Variants in UNC13C observed in about 807,000 individuals in gnomAD.
UNC13C encodes the protein protein unc-13 homolog C.
UNC13C carries 174 observed loss-of-function variants against 245.4 expected under a neutral mutation model. The ratio of observed to expected loss-of-function variants is 0.71; its 90% CI spans 0.63 to 0.80. The LOEUF (loss-of-function observed/expected upper bound fraction) is 0.80, where lower values mean the gene tolerates loss of function less well. UNC13C is among the 30% of genes least tolerant of loss of function. The pLI, the probability that UNC13C is intolerant of heterozygous loss-of-function variation, is 0.00. For missense variants in UNC13C, 2,829 were observed against 2,602.9 expected, an observed-to-expected ratio of 1.09 and a Z score of -1.89; for synonymous variants, 992 against 895.1, an observed-to-expected ratio of 1.11 and a Z score of -1.93.
intron 12 of UNC13C, 120 bp from the exon 13 acceptor site, chr15:54,300,090 A>T (rs2037536051): frequency 1.2e-6 from 1 of 831,984 alleles, no homozygotes; most frequent in Admixed American, 3.0e-5. Flanking sequence ...TATTGCTTGC[A>T]GATGCTGATG....
At chr15:53,919,734 C>T in the UNC13C span, among the ~76,000 whole-genome samples, 205 of 152,260 alleles carry the variant, frequency 1.3e-3, no homozygotes, top group Non-Finnish European at 2.3e-3. Context: ...AGTCTTCATT[C>T]AAAGGCATGA....
At chr15:54,005,996 T>C (rs1184261523) in intron 1 of UNC13C, among the ~76,000 whole-genome samples, 1 of 152,176 alleles carries the variant, frequency 6.6e-6, no homozygotes, top group Non-Finnish European at 1.5e-5. Flanking sequence ...GTATTCTATG[T>C]CTAAAATAAG....
At position 54,628,016 on chromosome 15, in the gene UNC13C, G is replaced by C. The variant is rs1340974796; in HGVS notation, c.*903G>C. On this transcript the variant is annotated 3_prime_UTR_variant, in exon 33 of 33. Transcript: ENST00000260323. ...TTAAAAATATTCAATGATTAGTATT[G>C]AATGCAGCATTACTATATATTGTAC... 1 of 152,134 alleles carries C rather than the reference G, an allele frequency of 6.6e-6. No individual in the cohort carries two copies. The highest frequency in any genetic ancestry group is 1.5e-5 in the Non-Finnish European group (1 of 67,980). The allele number at this position is 152,134 out of a possible 1,614,324, so 9.4% of individuals were successfully genotyped here.
chr15:54,534,887 C>T (rs1488589107), intron 26 of UNC13C, among the ~76,000 whole-genome samples: 2 of 152,152 alleles, frequency 1.3e-5, no homozygotes, highest in Admixed American at 6.6e-5. Context: ...CTAGACCTGC[C>T]TCTCAAGATG....
intron 2 of UNC13C, among the ~76,000 whole-genome samples, chr15:54,041,309 ACT>A (rs1439028872): frequency 6.6e-6 from 1 of 151,944 alleles, no homozygotes; most frequent in East Asian, 1.9e-4. Flanking sequence ...ATAATTAAAC[ACT>A]CTCATAACAC....
chr15:54,178,172 G>C (rs540688769), intron 4 of UNC13C, among the ~76,000 whole-genome samples: 1 of 152,174 alleles, frequency 6.6e-6, no homozygotes, highest in African/African-American at 2.4e-5. Flanking sequence ...ATACAATCCT[G>C]TATTTAGGGT....
chr15:54,351,677 A>G (rs1032778287), intron 17 of UNC13C, among the ~76,000 whole-genome samples: 2 of 152,168 alleles, frequency 1.3e-5, no homozygotes, highest in Admixed American at 1.3e-4. Context: ...TAGGAATTTT[A>G]TCTCTCTTGC....
chr15:54,505,756 T>TG (rs1894444906), intron 22 of UNC13C, among the ~76,000 whole-genome samples: 3 of 151,046 alleles, frequency 2.0e-5, no homozygotes, highest in Non-Finnish European at 1.5e-5. Context: ...TTTTTTTTTT[T>TG]TTTTTTGAGA....
the UNC13C span, among the ~76,000 whole-genome samples, chr15:53,925,505 G>C: frequency 3.3e-5 from 5 of 152,150 alleles, no homozygotes; most frequent in African/African-American, 1.2e-4. Flanking sequence ...ACTCACTTTA[G>C]AGCTTTAGTA....
rs920484600 is a variant in UNC13C, at chr15:54,284,234, G to T, written c.3819-9661G>T. Among the ~76,000 whole-genome samples, 138 of 152,204 alleles carry T rather than the reference G, an allele frequency of 9.1e-4. 1 individual carries two copies. The highest frequency in any genetic ancestry group is 1.8e-4 in the Non-Finnish European group (12 of 68,020). ...AAATATCAAACATACATCCAAAGTG[G>T]ATCTTGTTTCTTCAAACAAATAGTT... On this transcript the variant is annotated intron_variant, in intron 10 of 32. Transcript: ENST00000260323.
At chr15:53,950,399 A>ACT in the UNC13C span, among the ~76,000 whole-genome samples, 1 of 150,254 alleles carries the variant, frequency 6.7e-6, no homozygotes, top group East Asian at 2.0e-4. Flanking sequence ...CTTTGCTTAG[A>ACT]AAAGTATCAG....
At chr15:53,864,733 T>A in the UNC13C span, among the ~76,000 whole-genome samples, 1,201 of 152,334 alleles carry the variant, frequency 7.9e-3, 10 homozygotes, top group Non-Finnish European at 0.013. Flanking sequence ...CTTCCTAGAT[T>A]GTGTTATTTG....
chr15:54,177,192 C>T (rs2033643748), intron 4 of UNC13C, among the ~76,000 whole-genome samples: 1 of 152,080 alleles, frequency 6.6e-6, no homozygotes, highest in Admixed American at 6.6e-5. Flanking sequence ...AGGTAACACA[C>T]TTAAAGAGAA....
Position 54,385,553 on chromosome 15 carries a change from C to T in UNC13C, c.4714-7495C>T, listed in dbSNP as rs920128008. Among the ~76,000 whole-genome samples, 7 of 148,432 alleles carry T rather than the reference C, an allele frequency of 4.7e-5. No individual in the cohort carries two copies. In the East Asian group the frequency reaches 1.4e-3, roughly 29 times the overall value. On this transcript the variant is annotated intron_variant, in intron 17 of 32. Coordinates refer to ENST00000260323, the MANE Select transcript of UNC13C (RefSeq NM_001080534.3). ...AGACACTGGGAAAGGTGGGTTGTGG[C>T]GAGGGTTGGAGGGGGGCAGGATGAA...
At chr15:54,538,634 G>T (rs1484058440) in intron 26 of UNC13C, among the ~76,000 whole-genome samples, 1 of 151,942 alleles carries the variant, frequency 6.6e-6, no homozygotes, top group Non-Finnish European at 1.5e-5. Context: ...AGAAAATGTG[G>T]TACATATACA....
intron 19 of UNC13C, among the ~76,000 whole-genome samples, chr15:54,454,277 A>G (rs1891348034): frequency 6.6e-6 from 1 of 152,094 alleles, no homozygotes. Flanking sequence ...CTCTGTACCC[A>G]GTGAACAATA....
the UNC13C span, among the ~76,000 whole-genome samples, chr15:53,962,878 A>G: frequency 6.6e-6 from 1 of 152,200 alleles, no homozygotes; most frequent in Non-Finnish European, 1.5e-5. Flanking sequence ...CCTGAAGGGA[A>G]TAACTAATAA....
intron 17 of UNC13C, among the ~76,000 whole-genome samples, chr15:54,361,052 T>C (rs2039218905): frequency 6.6e-6 from 1 of 152,170 alleles, no homozygotes; most frequent in African/African-American, 2.4e-5. Flanking sequence ...ATATGCTTTC[T>C]GGGTCTTTTC....
intron 19 of UNC13C, among the ~76,000 whole-genome samples, chr15:54,472,167 C>A (rs2141044521): frequency 6.6e-6 from 1 of 151,770 alleles, no homozygotes; most frequent in Admixed American, 6.6e-5. Flanking sequence ...TTACATAAAG[C>A]CTCTCATACT....
Sources: gnomAD v4.1 joint callset for allele counts (sites outside exome capture counted in the v4.1 genomes callset) on GRCh38, gnomAD v4.1.1 for gene constraint, MANE v1.5 for transcripts, NCBI Gene and HGNC (gene_info 2026-07-23, HGNC 2026-07-21) for gene names.